PDE8B: variants seen among roughly 807,000 people sequenced by gnomAD.
The protein encoded by PDE8B is high affinity cAMP-specific and IBMX-insensitive 3',5'-cyclic phosphodiesterase 8B.
PDE8B carries 26 observed loss-of-function variants against 101.3 expected under a neutral mutation model. The observed-to-expected ratio is 0.26, with a 90% confidence interval of 0.19 to 0.36. The LOEUF (loss-of-function observed/expected upper bound fraction) is 0.36. Ranked by LOEUF, PDE8B falls within the 10% of genes least tolerant of loss-of-function variation. The pLI is 1.00. For missense variants in PDE8B, 810 were observed against 1,163.1 expected (o/e 0.70, Z 4.42); for synonymous variants, 424 against 429.3 (o/e 0.99, Z 0.15).
the PDE8B span, among the ~76,000 whole-genome samples, chr5:77,107,331 A>G: frequency 2.0e-5 from 3 of 152,184 alleles, no homozygotes; most frequent in East Asian, 5.8e-4. Flanking sequence ...CATTGCTGGT[A>G]TATAGTAATA....
chr5:77,390,598 A>G (rs1270188215), intron 10 of PDE8B, among the ~76,000 whole-genome samples: 1 of 152,196 alleles, frequency 6.6e-6, no homozygotes, highest in Admixed American at 6.5e-5. Flanking sequence ...ATGCCATTGA[A>G]TCCCCGTCCC....
chr5:77,263,984 A>G (rs949178400), intron 1 of PDE8B, among the ~76,000 whole-genome samples: 21 of 152,152 alleles, frequency 1.4e-4, no homozygotes, highest in African/African-American at 4.3e-4. Flanking sequence ...CCTACTTTCT[A>G]TCTCTATAAT....
the PDE8B span, among the ~76,000 whole-genome samples, chr5:77,089,009 T>C: frequency 3.3e-5 from 5 of 152,252 alleles, no homozygotes; most frequent in Middle Eastern, 3.4e-3. Context: ...ACCATTCCAA[T>C]AATGGTTTTG....
chr5:77,091,122 G>A, the PDE8B span, among the ~76,000 whole-genome samples: 1 of 152,130 alleles, frequency 6.6e-6, no homozygotes, highest in African/African-American at 2.4e-5. Context: ...CAGGTGTGAG[G>A]TGATGTCATT....
chr5:77,231,156 T>C (rs544431370), intron 1 of PDE8B, among the ~76,000 whole-genome samples: 82 of 152,324 alleles, frequency 5.4e-4, no homozygotes, highest in South Asian at 4.8e-3. Flanking sequence ...GTTAAAATAA[T>C]TTCCAAATGG....
At chr5:77,192,545 G>T in the PDE8B span, among the ~76,000 whole-genome samples, 2 of 152,260 alleles carry the variant, frequency 1.3e-5, no homozygotes, top group African/African-American at 4.8e-5. Flanking sequence ...TATTTTATGG[G>T]TGTACCACAA....
intron 12 of PDE8B, among the ~76,000 whole-genome samples, chr5:77,407,142 G>A (rs551950945): frequency 1.4e-4 from 22 of 152,272 alleles, no homozygotes; most frequent in Non-Finnish European, 1.3e-4. Context: ...TCCCCTTGTG[G>A]ACTTGGGGCT....
chr5:77,106,823 A>G, the PDE8B span, among the ~76,000 whole-genome samples: 42 of 152,216 alleles, frequency 2.8e-4, no homozygotes, highest in African/African-American at 9.1e-4. Context: ...ACTTTGTTAC[A>G]TTTACCCCAA....
At chr5:77,146,729 A>C in the PDE8B span, 2 of 316,612 alleles carry the variant, frequency 6.3e-6, no homozygotes, top group Admixed American at 6.9e-5. Context: ...TGTCTGCTAA[A>C]GAGAAAGGGA....
intron 1 of PDE8B, among the ~76,000 whole-genome samples, chr5:77,253,834 A>C (rs1415859202): frequency 6.6e-6 from 1 of 152,120 alleles, no homozygotes; most frequent in Non-Finnish European, 1.5e-5. Context: ...AAATTGATAT[A>C]TCTAGCTCCT....
At chr5:77,399,863 T>C (rs1791881369) in intron 10 of PDE8B, among the ~76,000 whole-genome samples, 1 of 152,210 alleles carries the variant, frequency 6.6e-6, no homozygotes, top group Admixed American at 6.5e-5. Context: ...CACAGAAAAA[T>C]TTTATAACGT....
At chr5:77,118,173 C>T in the PDE8B span, 6 of 377,216 alleles carry the variant, frequency 1.6e-5, no homozygotes, top group Non-Finnish European at 2.8e-5. Flanking sequence ...TCTCAAACTG[C>T]TGATCTAAAG....
At chr5:77,312,102 T>G in intron 2 of PDE8B, 49 bp downstream of exon 2, 1 of 1,314,314 alleles carries the variant, frequency 7.6e-7, no homozygotes, top group Non-Finnish European at 1.1e-6. Context: ...TTCTTTTTTT[T>G]TTCTTTTTTT....
At chr5:77,426,279 C>G (rs896588691) in intron 21 of PDE8B, 166 bp from the exon 22 acceptor site, 16 of 659,922 alleles carry the variant, frequency 2.4e-5, no homozygotes, top group Non-Finnish European at 4.1e-5. Context: ...CAAAAAGGAC[C>G]TGTTTGCATT....
chr5:77,368,371 C>T (rs938033791), intron 10 of PDE8B, among the ~76,000 whole-genome samples: 6 of 152,196 alleles, frequency 3.9e-5, no homozygotes, highest in Non-Finnish European at 5.9e-5. Flanking sequence ...TTACCCTTCC[C>T]GTGACTCCTG....
At chr5:77,375,889 CTTT>C (rs70988668) in intron 10 of PDE8B, among the ~76,000 whole-genome samples, 7 of 108,312 alleles carry the variant, frequency 6.5e-5, no homozygotes, top group Admixed American at 1.1e-4. Flanking sequence ...GCCTTGATTT[CTTT>C]TTTTTTTTTT....
At position 77,332,379 on chromosome 5, in the gene PDE8B, C is replaced by T. The variant is rs78887250; in HGVS notation, c.708+920C>T. Among the ~76,000 whole-genome samples, 391 of 152,180 alleles carry T rather than the reference C, an allele frequency of 2.6e-3. 1 individual carries two copies. Among genetic ancestry groups the T allele is most frequent in the African/African-American group, 8.9e-3 (369 of 41,510 alleles). On this transcript the variant is annotated intron_variant, in intron 5 of 21. Coordinates refer to ENST00000264917, the MANE Select transcript of PDE8B (RefSeq NM_003719.5). ...ATACAGCTTTTGCTGATAATCTAAA[C>T]GCAAGTAATCCTATAGCATCCTGTG... is the stretch of plus-strand genomic sequence containing the variant.
chr5:77,416,035 T>C (rs186433289), intron 17 of PDE8B, among the ~76,000 whole-genome samples: 86 of 152,298 alleles, frequency 5.6e-4, no homozygotes, highest in African/African-American at 1.9e-3. Context: ...CATGGACATT[T>C]CCTCCTCGAC....
chr5:77,174,921 T>C, the PDE8B span, among the ~76,000 whole-genome samples: 6 of 152,192 alleles, frequency 3.9e-5, no homozygotes, highest in Non-Finnish European at 5.9e-5. Context: ...TTCACTCTAA[T>C]AGAGATTCTT....
Sources: allele counts gnomAD v4.1 joint callset (sites outside exome capture counted in the v4.1 genomes callset), GRCh38; gene constraint gnomAD v4.1.1; transcripts MANE v1.5; gene names NCBI Gene and HGNC (gene_info 2026-07-23, HGNC 2026-07-21).